The following DDI2 variants were observed in gnomAD, a reference collection of about 807,000 sequenced individuals.
DDI2 encodes the protein protein DDI1 homolog 2.
Under a neutral mutation model 48.1 loss-of-function variants are expected in DDI2, and 5 were observed. That is an observed-to-expected ratio of 0.10 (90% CI 0.05 to 0.22). The LOEUF (loss-of-function observed/expected upper bound fraction) is 0.22, where lower values mean the gene tolerates loss of function less well. Ranked by LOEUF, DDI2 falls within the 10% of genes least tolerant of loss-of-function variation. DDI2 has a pLI of 1.00. For synonymous variants in DDI2, 205 were observed against 183.6 expected (o/e 1.12, Z -0.94); for missense variants, 285 against 506.2 (o/e 0.56, Z 4.19).
At chr1:15,641,376 G>A (rs1172709286) in intron 5 of DDI2, among the ~76,000 whole-genome samples, 2 of 152,012 alleles carry the variant, frequency 1.3e-5, no homozygotes, top group African/African-American at 4.8e-5. Context: ...GGAGGCTGAG[G>A]CAGGACAATA....
At chr1:15,632,423 C>T (rs762894861) in intron 3 of DDI2, among the ~76,000 whole-genome samples, 4 of 151,980 alleles carry the variant, frequency 2.6e-5, no homozygotes, top group Admixed American at 6.6e-5. Context: ...ATCCCAGCTA[C>T]TTGGGAGGCT....
In DDI2 at chr1:15,651,849, A is replaced by G. The variant is rs1456709454; in HGVS notation, c.1137A>G (p.Ala379=). The change falls in exon 8 of 10, where the codon GCA becomes GCG. Residue 379 remains alanine, a synonymous_variant. Coordinates refer to ENST00000480945, the MANE Select transcript of DDI2 (RefSeq NM_032341.5). The part of the protein sequence containing the change: ...GREDVRPEEI[A]DQELAEALQK... ...AGGATGTACGGCCAGAGGAGATTGC[A>G]GACCAAGAATTAGCAGAAGCCCTTC... 1.9e-6 allele frequency: 3 copies of G among 1,613,764 alleles called. No individual in the cohort carries two copies. In the African/African-American group the frequency reaches 4.0e-5, roughly 22 times the overall value.
At chr1:15,640,015 C>CG (rs201856875) in intron 5 of DDI2, among the ~76,000 whole-genome samples, 125 of 146,336 alleles carry the variant, frequency 8.5e-4, no homozygotes, top group African/African-American at 2.9e-3. Flanking sequence ...ACCCTGCCTT[C>CG]GGGGGAAAAA....
At chr1:15,645,146 G>A (rs1640070389) in intron 6 of DDI2, among the ~76,000 whole-genome samples, 1 of 152,186 alleles carries the variant, frequency 6.6e-6, no homozygotes, top group Admixed American at 6.5e-5. Context: ...CGCCCACGAG[G>A]CCTCCCAGAG....
chr1:15,636,431 T>C (rs1300773889), intron 4 of DDI2, among the ~76,000 whole-genome samples: 1 of 152,070 alleles, frequency 6.6e-6, no homozygotes, highest in Non-Finnish European at 1.5e-5. Context: ...GTGAGGTTTA[T>C]TTTTTGTTTG....
At chr1:15,622,278 C>T (rs895426502) in intron 1 of DDI2, among the ~76,000 whole-genome samples, 8 of 151,538 alleles carry the variant, frequency 5.3e-5, no homozygotes, top group Non-Finnish European at 1.0e-4. Context: ...CCTGCCTCTG[C>T]CTCCCAGAGT....
chr1:15,657,741 A>C (rs960508270), intron 9 of DDI2, among the ~76,000 whole-genome samples: 8 of 152,234 alleles, frequency 5.3e-5, no homozygotes, highest in African/African-American at 1.9e-4. Flanking sequence ...TTCAAAATTC[A>C]ACCTCTTCCA....
chr1:15,618,725 T>C (rs970068274), intron 1 of DDI2, among the ~76,000 whole-genome samples: 3 of 152,362 alleles, frequency 2.0e-5, no homozygotes, highest in African/African-American at 7.2e-5. Flanking sequence ...TCGGTGACAC[T>C]AACGCTGTAA....
chr1:15,666,466 G>A lies in DDI2; in HGVS notation c.*6676G>A, dbSNP rs914524071. 2.6e-5 allele frequency: 4 copies of A among 152,236 alleles called. No individual in the cohort carries two copies. Among genetic ancestry groups the A allele is most frequent in the Middle Eastern group, 3.4e-3 (1 of 294 alleles). 9.4% of individuals were successfully genotyped at this position (152,236 alleles called of 1,614,324 possible). On this transcript the variant is annotated 3_prime_UTR_variant, in exon 10 of 10. Transcript: ENST00000480945. ...TGCTATGATTATAATAGGGATTTTT[G>A]AATCACCAAAAACAGTTTTTAGATG...
intron 3 of DDI2, among the ~76,000 whole-genome samples, chr1:15,631,563 C>G (rs1044459459): frequency 1.3e-5 from 2 of 152,228 alleles, no homozygotes; most frequent in Non-Finnish European, 2.9e-5. Flanking sequence ...AATTGGCAAT[C>G]TTTACCTTAA....
At chr1:15,631,043 C>T (rs1025924238) in intron 3 of DDI2, among the ~76,000 whole-genome samples, 1 of 152,176 alleles carries the variant, frequency 6.6e-6, no homozygotes, top group Non-Finnish European at 1.5e-5. Context: ...CGGGGTTTCA[C>T]CGTGTTAGCC....
chr1:15,640,437 A>G (rs1639989457), intron 5 of DDI2, among the ~76,000 whole-genome samples: 1 of 152,228 alleles, frequency 6.6e-6, no homozygotes, highest in African/African-American at 2.4e-5. Context: ...GCTTCCAGGT[A>G]TACAGAGTTC....
chr1:15,631,706 T>A (rs1018023978), intron 3 of DDI2, among the ~76,000 whole-genome samples: 1 of 152,178 alleles, frequency 6.6e-6, no homozygotes, highest in Non-Finnish European at 1.5e-5. Context: ...CTCCTCTCCT[T>A]ATAGGTTACT....
intron 4 of DDI2, among the ~76,000 whole-genome samples, chr1:15,636,734 A>G (rs1639936738): frequency 6.6e-6 from 1 of 152,226 alleles, no homozygotes; most frequent in African/African-American, 2.4e-5. Flanking sequence ...TGCTGGGATT[A>G]TAGGCATGAG....
At chr1:15,646,931 CATT>C (rs1301609922) in intron 6 of DDI2, among the ~76,000 whole-genome samples, 2 of 152,098 alleles carry the variant, frequency 1.3e-5, no homozygotes, top group Admixed American at 1.3e-4. Flanking sequence ...CCACCAGTAT[CATT>C]TGGGCATATC....
intron 4 of DDI2, among the ~76,000 whole-genome samples, chr1:15,635,972 G>A (rs897792499): frequency 2.6e-5 from 4 of 152,204 alleles, no homozygotes; most frequent in Non-Finnish European, 5.9e-5. Context: ...CACAGGGTAG[G>A]TGAACACAGG....
intron 9 of DDI2, among the ~76,000 whole-genome samples, chr1:15,658,486 G>A (rs1294779287): frequency 7.5e-6 from 1 of 132,546 alleles, no homozygotes; most frequent in Non-Finnish European, 1.6e-5. Context: ...ACAATGGTCG[G>A]GTGCGGTGGC....
chr1:15,647,367 C>T (rs537967381), intron 6 of DDI2, among the ~76,000 whole-genome samples: 3 of 151,910 alleles, frequency 2.0e-5, no homozygotes, highest in African/African-American at 7.3e-5. Context: ...AGGCTGGTCT[C>T]GAACTCCTGA....
At chr1:15,632,535 A>G (rs1034547762) in intron 3 of DDI2, among the ~76,000 whole-genome samples, 1 of 152,042 alleles carries the variant, frequency 6.6e-6, no homozygotes, top group African/African-American at 2.4e-5. Flanking sequence ...CTCCATCTCA[A>G]AAAAAAAGAA....
Sources: gnomAD v4.1 joint callset for allele counts (sites outside exome capture counted in the v4.1 genomes callset) on GRCh38, gnomAD v4.1.1 for gene constraint, MANE v1.5 for transcripts, NCBI Gene and HGNC (gene_info 2026-07-23, HGNC 2026-07-21) for gene names.